The following TMEM132C variants were observed in gnomAD, a reference collection of about 807,000 sequenced individuals.
TMEM132C encodes the protein transmembrane protein 132C.
Under a neutral mutation model 61.4 loss-of-function variants are expected in TMEM132C, and 29 were observed. The observed-to-expected ratio is 0.47, with a 90% CI of 0.35 to 0.64. The LOEUF is 0.64. Among genes scored for constraint, TMEM132C ranks in the 30% least tolerant of loss-of-function variants. The pLI is 0.00. For missense variants in TMEM132C, 1,408 were observed against 1,476.9 expected (o/e 0.95, Z 0.76); for synonymous variants, 656 against 633.1 (o/e 1.04, Z -0.54).
chr12:128,315,649 A>G (rs1434865074), intron 1 of TMEM132C, among the ~76,000 whole-genome samples: 1 of 152,104 alleles, frequency 6.6e-6, no homozygotes, highest in Non-Finnish European at 1.5e-5. Flanking sequence ...GCCCCCCAAA[A>G]TGTTTATCCA....
chr12:128,496,592 A>G (rs878948505), intron 2 of TMEM132C, among the ~76,000 whole-genome samples: 2 of 152,146 alleles, frequency 1.3e-5, no homozygotes, highest in Admixed American at 1.3e-4. Flanking sequence ...TTGATCTTCA[A>G]TCACTGATAC....
At chr12:128,528,302 G>C (rs141389265) in intron 2 of TMEM132C, among the ~76,000 whole-genome samples, 1 of 152,138 alleles carries the variant, frequency 6.6e-6, no homozygotes, top group Non-Finnish European at 1.5e-5. Flanking sequence ...ACCACAGCAC[G>C]ATCTCTCCTC....
intron 1 of TMEM132C, among the ~76,000 whole-genome samples, chr12:128,284,617 G>A (rs1871001292): frequency 6.6e-6 from 1 of 152,178 alleles, no homozygotes; most frequent in Non-Finnish European, 1.5e-5. Flanking sequence ...GGTTAGCAGA[G>A]TGCCTCTTCT....
Position 128,385,398 on chromosome 12 carries a change from ACGCCGAG to A in TMEM132C, c.86-29333_86-29327del, listed in dbSNP as rs1565919966. Among the ~76,000 whole-genome samples the A allele has an allele frequency of 9.8e-3, 673 of 68,774 alleles. 13 individuals carry two copies. Among genetic ancestry groups the A allele is most frequent in the South Asian group, 0.042 (73 of 1,746 alleles). The allele number at this position is 68,774 out of a possible 152,430, so 45.1% of individuals were successfully genotyped here. ...ATCATTGCAAAGATTCGAGACATAA[ACGCCGAG>A]TCCTCGCACAGAGCCTGATAGGATC... On this transcript the variant is annotated intron_variant, in intron 1 of 8. Transcript: ENST00000435159.
At chr12:128,604,667 A>T (rs1156739045) in intron 3 of TMEM132C, among the ~76,000 whole-genome samples, 1 of 152,130 alleles carries the variant, frequency 6.6e-6, no homozygotes, top group Admixed American at 6.5e-5. Flanking sequence ...AAACAAATGG[A>T]TAGATAGATC....
intron 4 of TMEM132C, among the ~76,000 whole-genome samples, chr12:128,653,921 A>G (rs1323762186): frequency 6.6e-6 from 1 of 152,190 alleles, no homozygotes; most frequent in African/African-American, 2.4e-5. Context: ...GCGGGAATCC[A>G]AGCCCTCTGT....
chr12:128,269,665 A>G (rs571330403), intron 1 of TMEM132C, among the ~76,000 whole-genome samples: 119 of 152,204 alleles, frequency 7.8e-4, no homozygotes, highest in African/African-American at 2.5e-3. Context: ...AGGGCCTGCA[A>G]CTTATCATCT....
chr12:128,697,280 T>A lies in TMEM132C; in HGVS notation c.1986T>A (p.Asp662Glu). 1.9e-6 allele frequency: 3 copies of A among 1,548,788 alleles called. No homozygotes were observed. The highest frequency in any genetic ancestry group is 2.4e-5 in the South Asian group (2 of 83,834). ...CAGAGAAGACAATAACCGTGCTAGA[T>A]GACAAAGTATCGGTGACAGACTTGG... is the stretch of plus-strand genomic sequence containing the variant. ...ILAEKTITVL[D>E]DKVSVTDLAI... The change falls in exon 8 of 9, where the codon GAT (aspartate) becomes GAA (glutamate). Residue 662 changes from aspartate (D) to glutamate (E), a missense_variant. By Grantham distance (45) the Asp-to-Glu change is conservative. Transcript: ENST00000435159.
intron 5 of TMEM132C, among the ~76,000 whole-genome samples, chr12:128,676,509 AC>A (rs1443763944): frequency 6.6e-6 from 1 of 152,204 alleles, no homozygotes; most frequent in African/African-American, 2.4e-5. Flanking sequence ...AGAAAGAACT[AC>A]CTTTACTCCC....
At chr12:128,338,536 G>T (rs1178083662) in intron 1 of TMEM132C, among the ~76,000 whole-genome samples, 2 of 152,052 alleles carry the variant, frequency 1.3e-5, no homozygotes, top group Non-Finnish European at 2.9e-5. Flanking sequence ...TCACCAGCGT[G>T]TCGCATGCCA....
At chr12:128,668,430 AAAAAAG>A (rs1424038776) in intron 4 of TMEM132C, among the ~76,000 whole-genome samples, 1 of 152,200 alleles carries the variant, frequency 6.6e-6, no homozygotes, top group Non-Finnish European at 1.5e-5. Context: ...TATATAAAGT[AAAAAAG>A]AAAAAGAAAG....
chr12:128,292,248 A>G (rs1179008332), intron 1 of TMEM132C, among the ~76,000 whole-genome samples: 1 of 152,110 alleles, frequency 6.6e-6, no homozygotes, highest in East Asian at 1.9e-4. Context: ...CAGTCAAAAG[A>G]ATCGTGGTCA....
chr12:128,300,676 TC>T (rs1361534062), intron 1 of TMEM132C, among the ~76,000 whole-genome samples: 1 of 152,116 alleles, frequency 6.6e-6, no homozygotes, highest in Non-Finnish European at 1.5e-5. Context: ...AAGATGTGCT[TC>T]CCTAGAAATA....
At chr12:128,449,850 A>G (rs1401713226) in intron 2 of TMEM132C, among the ~76,000 whole-genome samples, 1 of 152,224 alleles carries the variant, frequency 6.6e-6, no homozygotes, top group Non-Finnish European at 1.5e-5. Context: ...CCAGGGAAGG[A>G]AGTGCATTTG....
chr12:128,456,021 T>C (rs1870327281), intron 2 of TMEM132C, among the ~76,000 whole-genome samples: 1 of 152,204 alleles, frequency 6.6e-6, no homozygotes, highest in Admixed American at 6.5e-5. Flanking sequence ...ACGTCAGCTT[T>C]GCTCTATTTG....
intron 1 of TMEM132C, among the ~76,000 whole-genome samples, chr12:128,396,699 C>T (rs1232869784): frequency 6.6e-6 from 1 of 152,092 alleles, no homozygotes; most frequent in East Asian, 1.9e-4. Context: ...TATTAAGAAG[C>T]TCCTATAGAT....
intron 2 of TMEM132C, among the ~76,000 whole-genome samples, chr12:128,448,812 T>C (rs1307354850): frequency 2.6e-5 from 4 of 152,308 alleles, no homozygotes; most frequent in Non-Finnish European, 2.9e-5. Flanking sequence ...TCGTATTAAC[T>C]TTGCTTAGCA....
At chr12:128,657,274 C>G (rs960354801) in intron 4 of TMEM132C, among the ~76,000 whole-genome samples, 1 of 152,086 alleles carries the variant, frequency 6.6e-6, no homozygotes, top group Non-Finnish European at 1.5e-5. Context: ...GGTTTCCCTG[C>G]TTGAATAGGA....
At chr12:128,300,753 C>T (rs1440981721) in intron 1 of TMEM132C, among the ~76,000 whole-genome samples, 2 of 152,138 alleles carry the variant, frequency 1.3e-5, no homozygotes, top group Admixed American at 6.5e-5. Flanking sequence ...AACTCAGGCT[C>T]CAGCTGTGCA....
Sources: gnomAD v4.1 joint callset for allele counts (sites outside exome capture counted in the v4.1 genomes callset) on GRCh38, gnomAD v4.1.1 for gene constraint, MANE v1.5 for transcripts, NCBI Gene and HGNC (gene_info 2026-07-23, HGNC 2026-07-21) for gene names.